The following ENTPD1 variants were observed in gnomAD, a reference collection of about 807,000 sequenced individuals.
The protein encoded by ENTPD1 is ATP diphosphohydrolase.
A neutral mutation model predicts 57.0 loss-of-function variants in ENTPD1; 33 were observed. The observed-to-expected ratio is 0.58, with a 90% CI of 0.44 to 0.77. The LOEUF is 0.77. ENTPD1 is among the 30% of genes least tolerant of loss of function. ENTPD1 has a pLI of 0.00. For missense variants in ENTPD1, 501 were observed against 603.4 expected, an observed-to-expected ratio of 0.83 and a Z score of 1.78; for synonymous variants, 202 against 218.8, an observed-to-expected ratio of 0.92 and a Z score of 0.68.
intron 1 of ENTPD1, among the ~76,000 whole-genome samples, chr10:95,783,035 T>TTG (rs940150061): frequency 2.6e-5 from 4 of 151,568 alleles, no homozygotes; most frequent in East Asian, 1.9e-4. Context: ...GTGTGTGTGT[T>TTG]TGTGTGTGTG....
At chr10:95,735,811 G>T (rs1191952317) in intron 1 of ENTPD1, among the ~76,000 whole-genome samples, 1 of 151,764 alleles carries the variant, frequency 6.6e-6, no homozygotes, top group African/African-American at 2.4e-5. Context: ...TGTCCAGGCT[G>T]GTCTCTAACT....
At chr10:95,842,637 T>G (rs891218480) in intron 4 of ENTPD1, 143 bp downstream of exon 4, 19 of 931,212 alleles carry the variant, frequency 2.0e-5, no homozygotes, top group Non-Finnish European at 2.5e-5. Context: ...GATATTTTAG[T>G]AAGTGAATAA....
At chr10:95,808,393 T>A (rs903885202) in intron 1 of ENTPD1, among the ~76,000 whole-genome samples, 1 of 152,224 alleles carries the variant, frequency 6.6e-6, no homozygotes, top group Non-Finnish European at 1.5e-5. Flanking sequence ...TTTTGTTGCA[T>A]CTCTGCCAGG....
At chr10:95,707,346 T>TG (rs955940456), upstream of ENTPD1, among the ~76,000 whole-genome samples, 1 of 151,980 alleles carries the variant, frequency 6.6e-6, no homozygotes, top group African/African-American at 2.4e-5. Context: ...AGCCACAGTT[T>TG]GGGGGGGCTG....
intron 1 of ENTPD1, among the ~76,000 whole-genome samples, chr10:95,713,315 AT>A (rs557821903): frequency 6.6e-6 from 1 of 151,806 alleles, no homozygotes; most frequent in African/African-American, 2.4e-5. Flanking sequence ...AAGAACTTTA[AT>A]TTTTTTTTCT....
chr10:95,787,288 A>C (rs1366043425), intron 1 of ENTPD1, among the ~76,000 whole-genome samples: 2 of 152,204 alleles, frequency 1.3e-5, no homozygotes, highest in Non-Finnish European at 2.9e-5. Flanking sequence ...TTTCAAACCA[A>C]AGTTTAATCT....
intron 1 of ENTPD1, among the ~76,000 whole-genome samples, chr10:95,822,621 A>G (rs2098357644): frequency 6.6e-6 from 1 of 152,130 alleles, no homozygotes; most frequent in South Asian, 2.1e-4. Flanking sequence ...TAATTCTACT[A>G]TTGGAGCTTT....
At chr10:95,842,552 C>A in intron 4 of ENTPD1, 58 bp downstream of exon 4, 1 of 1,579,038 alleles carries the variant, frequency 6.3e-7, no homozygotes, top group Non-Finnish European at 8.6e-7. Flanking sequence ...AGTGAAAGAG[C>A]CTCTGAAGTT....
At chr10:95,858,311 G>C (rs1332569973) in intron 7 of ENTPD1, among the ~76,000 whole-genome samples, 1 of 152,164 alleles carries the variant, frequency 6.6e-6, no homozygotes, top group African/African-American at 2.4e-5. Flanking sequence ...GGGGAGGAAA[G>C]GCTTGGCGGG....
chr10:95,786,351 T>C (rs2098179793), intron 1 of ENTPD1, among the ~76,000 whole-genome samples: 1 of 152,098 alleles, frequency 6.6e-6, no homozygotes. Context: ...CAATAAGCAA[T>C]GGAGGATGGA....
chr10:95,862,535 C>T (rs1231998354), intron 8 of ENTPD1, among the ~76,000 whole-genome samples: 8 of 152,182 alleles, frequency 5.3e-5, no homozygotes, highest in African/African-American at 1.9e-4. Context: ...CCTTCCCCTG[C>T]TTTGGCAAGG....
Position 95,873,426 on chromosome 10 carries a change from G to C in ENTPD1, c.*7043G>C, listed in dbSNP as rs950109064. 18 of 985,392 alleles carry C rather than the reference G, an allele frequency of 1.8e-5. No homozygotes were observed. In the African/African-American group the frequency reaches 3.0e-4, roughly 16 times the overall value. 61.0% of individuals were successfully genotyped at this position (985,392 alleles called of 1,614,324 possible). On this transcript the variant is annotated 3_prime_UTR_variant, in exon 10 of 10. Coordinates refer to ENST00000371205, the MANE Select transcript of ENTPD1 (RefSeq NM_001776.6). The stretch of plus-strand genomic sequence containing the variant: ...TTTGGAGACCAGCACCTCATACTCA[G>C]TGAAGGCCTGGAGTGCTTAAGAGGG...
At chr10:95,825,222 G>T (rs561249790) in intron 2 of ENTPD1, among the ~76,000 whole-genome samples, 1 of 152,332 alleles carries the variant, frequency 6.6e-6, no homozygotes, top group East Asian at 1.9e-4. Flanking sequence ...GGACAACACA[G>T]ATATAGAATA....
At chr10:95,756,445 G>C in intron 1 of ENTPD1, 190 bp downstream of exon 1, 1 of 661,508 alleles carries the variant, frequency 1.5e-6, no homozygotes, top group Non-Finnish European at 2.6e-6. Flanking sequence ...CAGAGTCCAG[G>C]GTTGCAGTCA....
At chr10:95,699,803 A>AT in the ENTPD1 span, among the ~76,000 whole-genome samples, 1 of 152,172 alleles carries the variant, frequency 6.6e-6, no homozygotes, top group Non-Finnish European at 1.5e-5. Flanking sequence ...AGTATGGAAG[A>AT]TTTTTCATAC....
intron 2 of ENTPD1, 58 bp from the exon 3 acceptor site, chr10:95,839,633 C>A: frequency 1.3e-6 from 2 of 1,554,542 alleles, no homozygotes; most frequent in Non-Finnish European, 1.8e-6. Flanking sequence ...CTTTTGCAAG[C>A]CTAATATGGA....
At chr10:95,798,927 C>A (rs1428659314) in intron 1 of ENTPD1, among the ~76,000 whole-genome samples, 4 of 152,154 alleles carry the variant, frequency 2.6e-5, no homozygotes, top group Non-Finnish European at 4.4e-5. Flanking sequence ...AGAAAACAGA[C>A]CACCTGCATG....
At chr10:95,698,370 TG>T in the ENTPD1 span, among the ~76,000 whole-genome samples, 4 of 152,244 alleles carry the variant, frequency 2.6e-5, no homozygotes, top group African/African-American at 9.6e-5. Context: ...GAATTTATCA[TG>T]AAAAGGGAAG....
chr10:95,813,922 G>A (rs1566185805), intron 1 of ENTPD1, among the ~76,000 whole-genome samples: 1 of 152,174 alleles, frequency 6.6e-6, no homozygotes, highest in Non-Finnish European at 1.5e-5. Context: ...AGAGATGCAT[G>A]GCCAATACAG....
Sources: allele counts gnomAD v4.1 joint callset (sites outside exome capture counted in the v4.1 genomes callset), GRCh38; gene constraint gnomAD v4.1.1; transcripts MANE v1.5; gene names NCBI Gene and HGNC (gene_info 2026-07-23, HGNC 2026-07-21).